The following TRPC5 variants were observed in gnomAD, a reference collection of about 807,000 sequenced individuals.
TRPC5 encodes transient receptor potential cation channel subfamily C member 5, also known as short transient receptor potential channel 5.
Under a neutral mutation model 56.5 loss-of-function variants are expected in TRPC5, and 9 were observed. That is an observed-to-expected ratio of 0.16 (90% confidence interval 0.10 to 0.28). TRPC5 has a LOEUF of 0.28. TRPC5 is among the 10% of genes least tolerant of loss of function. The pLI is 1.00. For missense variants in TRPC5, 469 were observed against 748.9 expected, an observed-to-expected ratio of 0.63 and a Z score of 4.36; for synonymous variants, 282 against 278.5, an observed-to-expected ratio of 1.01 and a Z score of -0.13.
chrX:111,785,097 G>A (rs1462290336), intron 7 of TRPC5, among the ~76,000 whole-genome samples: 3 of 112,524 alleles, frequency 2.7e-5, no homozygotes, highest in Non-Finnish European at 5.6e-5. Context: ...CTCTCAGAAC[G>A]GACAGACTGC....
chrX:111,789,423 A>T (rs1373418422), intron 7 of TRPC5, among the ~76,000 whole-genome samples: 1 of 112,507 alleles, frequency 8.9e-6, no homozygotes, highest in Non-Finnish European at 1.9e-5. Context: ...TTCAAGATGG[A>T]TTAAAGACTT....
At chrX:111,825,199 CT>C (rs1210745815) in intron 7 of TRPC5, among the ~76,000 whole-genome samples, 61 of 77,099 alleles carry the variant, frequency 7.9e-4, no homozygotes, top group Admixed American at 2.6e-3. Context: ...TTCTTTCTTT[CT>C]TTCTTTCTTT....
At chrX:112,055,563 G>C (rs1322219379) in intron 1 of TRPC5, among the ~76,000 whole-genome samples, 1 of 109,740 alleles carries the variant, frequency 9.1e-6, no homozygotes, top group East Asian at 2.8e-4. Context: ...TTAGTTTAAT[G>C]TTAATTTTTT....
chrX:111,917,824 G>T (rs1306471772), intron 2 of TRPC5, among the ~76,000 whole-genome samples: 1 of 112,686 alleles, frequency 8.9e-6, no homozygotes, highest in African/African-American at 3.2e-5. Context: ...CCTGCCTCAG[G>T]TTCCATCATT....
chrX:112,076,388 G>GA (rs1331511762), intron 1 of TRPC5, among the ~76,000 whole-genome samples: 1 of 111,383 alleles, frequency 9.0e-6, no homozygotes, highest in Non-Finnish European at 1.9e-5. Context: ...TTACTGGTGA[G>GA]AAAATTGAGC....
In TRPC5 at chrX:111,928,636, G is replaced by T. The variant is rs781545001; in HGVS notation, c.379-15824C>A. 2.7e-5 allele frequency among the ~76,000 whole-genome samples: 3 copies of T among 112,160 alleles called. No individual in the cohort carries two copies. In the East Asian group the frequency reaches 8.4e-4, roughly 32 times the overall value. On this transcript the variant is annotated intron_variant, in intron 2 of 10. Transcript: ENST00000262839. ...AGCAGGAGCTTTGTTGTAGTTGGGA[G>T]AAGGGAGGGCTGCTTTGGGCTTCTA...
chrX:111,931,251 G>A (rs781222393), intron 2 of TRPC5, among the ~76,000 whole-genome samples: 3 of 112,143 alleles, frequency 2.7e-5, no homozygotes, highest in Non-Finnish European at 5.6e-5. Context: ...CTTCTAGGGC[G>A]TTATTTTGAG....
At chrX:112,059,412 G>A (rs770345336) in intron 1 of TRPC5, among the ~76,000 whole-genome samples, 1 of 112,172 alleles carries the variant, frequency 8.9e-6, no homozygotes, top group South Asian at 3.8e-4. Flanking sequence ...TGTTATTTTG[G>A]TTGCTACAGT....
chrX:112,060,745 G>A (rs1930441596), intron 1 of TRPC5, among the ~76,000 whole-genome samples: 1 of 111,892 alleles, frequency 8.9e-6, no homozygotes, highest in African/African-American at 3.3e-5. Flanking sequence ...TTGTTTGCAT[G>A]AATATCCTCC....
At chrX:112,069,027 T>C (rs191279619) in intron 1 of TRPC5, among the ~76,000 whole-genome samples, 1 of 111,808 alleles carries the variant, frequency 8.9e-6, no homozygotes, top group African/African-American at 3.3e-5. Context: ...TCAAGCCTAA[T>C]ACATGCTTCA....
At chrX:111,778,150 G>A (rs771403604) in intron 10 of TRPC5, among the ~76,000 whole-genome samples, 50 of 111,076 alleles carry the variant, frequency 4.5e-4, no homozygotes, top group African/African-American at 1.6e-3. Context: ...CCTGTCAGGT[G>A]GTGGGGGTTA....
intron 1 of TRPC5, among the ~76,000 whole-genome samples, chrX:111,993,494 T>A (rs1468741145): frequency 8.9e-6 from 1 of 112,313 alleles, no homozygotes; most frequent in Non-Finnish European, 1.9e-5. Flanking sequence ...TCCACAATGG[T>A]TGAACCAATT....
intron 7 of TRPC5, among the ~76,000 whole-genome samples, chrX:111,803,112 G>A (rs190253916): frequency 7.7e-4 from 85 of 110,820 alleles, no homozygotes; most frequent in African/African-American, 2.0e-3. Flanking sequence ...GAGAACATGC[G>A]GTGTTTGGTT....
At chrX:112,048,119 G>A (rs779178500) in intron 1 of TRPC5, among the ~76,000 whole-genome samples, 1 of 111,989 alleles carries the variant, frequency 8.9e-6, no homozygotes, top group African/African-American at 3.2e-5. Flanking sequence ...CTCAGCAATA[G>A]GTGTTTGGTT....
chrX:112,031,182 C>A (rs370375453), intron 1 of TRPC5, among the ~76,000 whole-genome samples: 1 of 111,788 alleles, frequency 8.9e-6, no homozygotes. Flanking sequence ...ATCCTGGCTC[C>A]AACTCTCCGG....
chrX:112,020,317 A>G (rs965446486), intron 1 of TRPC5, among the ~76,000 whole-genome samples: 1 of 112,321 alleles, frequency 8.9e-6, no homozygotes, highest in Non-Finnish European at 1.9e-5. Flanking sequence ...CTCTTTCAGG[A>G]CCAAGTAGTG....
At chrX:111,907,230 AT>A (rs2148618099) in intron 3 of TRPC5, among the ~76,000 whole-genome samples, 1 of 110,668 alleles carries the variant, frequency 9.0e-6, no homozygotes, top group East Asian at 2.8e-4. Flanking sequence ...AGATGTTAAT[AT>A]GTTTTTTTCT....
At chrX:112,047,873 A>G (rs1262948891) in intron 1 of TRPC5, among the ~76,000 whole-genome samples, 1 of 111,935 alleles carries the variant, frequency 8.9e-6, no homozygotes, top group African/African-American at 3.3e-5. Context: ...TATCTTTCAC[A>G]GTGTTTGATA....
At chrX:111,873,748 C>T (rs1011337586) in intron 3 of TRPC5, among the ~76,000 whole-genome samples, 7 of 110,414 alleles carry the variant, frequency 6.3e-5, no homozygotes, top group South Asian at 3.9e-4. Context: ...CGCACCATTG[C>T]GCTGCAGCCT....
Sources: allele counts gnomAD v4.1 joint callset (sites outside exome capture counted in the v4.1 genomes callset), GRCh38; gene constraint gnomAD v4.1.1; transcripts MANE v1.5; gene names NCBI Gene and HGNC (gene_info 2026-07-23, HGNC 2026-07-21).